Variants in RPS6KC1 observed in about 807,000 individuals in gnomAD.
RPS6KC1 encodes the protein ribosomal protein S6 kinase C1.
A neutral mutation model predicts 103.8 loss-of-function variants in RPS6KC1; 54 were observed. That is an observed-to-expected ratio of 0.52 (90% CI 0.42 to 0.65). RPS6KC1 has a LOEUF of 0.65. RPS6KC1 is among the 30% of genes least tolerant of loss of function. The pLI is 0.00. For missense variants in RPS6KC1, 1,151 were observed against 1,253.8 expected, an observed-to-expected ratio of 0.92 and a Z score of 1.24; for synonymous variants, 439 against 438.7, an observed-to-expected ratio of 1.00 and a Z score of -0.01.
At chr1:213,849,779 G>T in the RPS6KC1 span, among the ~76,000 whole-genome samples, 1 of 151,868 alleles carries the variant, frequency 6.6e-6, no homozygotes, top group Non-Finnish European at 1.5e-5. Flanking sequence ...GTTTTTTGAG[G>T]TCTCTCAGTA....
the RPS6KC1 span, among the ~76,000 whole-genome samples, chr1:213,494,770 T>A: frequency 6.6e-6 from 1 of 151,954 alleles, no homozygotes; most frequent in Non-Finnish European, 1.5e-5. Context: ...AAATATGTGA[T>A]AAAATTTTTT....
chr1:213,288,832 A>G, the RPS6KC1 span, among the ~76,000 whole-genome samples: 1 of 152,164 alleles, frequency 6.6e-6, no homozygotes, highest in African/African-American at 2.4e-5. Context: ...TATTTAGAGA[A>G]ACAACAGAAA....
At position 213,116,303 on chromosome 1, in the gene RPS6KC1, T is replaced by C. The variant is rs1378021429; in HGVS notation, c.379-1014T>C. 3.8e-3 allele frequency among the ~76,000 whole-genome samples: 569 copies of C among 149,176 alleles called. 3 individuals are homozygous for C. Among genetic ancestry groups the C allele is most frequent in the African/African-American group, 0.013 (529 of 40,438 alleles). On this transcript the variant is annotated intron_variant, in intron 4 of 14. Transcript: ENST00000366960. Reference sequence around the variant, plus strand: ...TGTTGAATTGATCCCTTTACCATTATGTAATGGCCTTCTTTGTCTCTTTTG... The same window carrying C: ...TGTTGAATTGATCCCTTTACCATTACGTAATGGCCTTCTTTGTCTCTTTTG...
chr1:213,134,143 CAACTT>C (rs1204707163), intron 6 of RPS6KC1, among the ~76,000 whole-genome samples: 1 of 151,996 alleles, frequency 6.6e-6, no homozygotes, highest in Non-Finnish European at 1.5e-5. Context: ...ATGTTTCTGT[CAACTT>C]AATAGCATGC....
the RPS6KC1 span, among the ~76,000 whole-genome samples, chr1:213,335,825 A>G: frequency 6.6e-5 from 10 of 152,362 alleles, no homozygotes; most frequent in African/African-American, 2.4e-4. Context: ...CTTCTCAAGA[A>G]TATTGCATTC....
intron 8 of RPS6KC1, among the ~76,000 whole-genome samples, chr1:213,190,532 C>T (rs2092709536): frequency 6.6e-6 from 1 of 152,002 alleles, no homozygotes; most frequent in African/African-American, 2.4e-5. Context: ...GTTTGAGCTC[C>T]TTATATATTC....
chr1:213,855,108 C>A, the RPS6KC1 span, among the ~76,000 whole-genome samples: 1 of 152,194 alleles, frequency 6.6e-6, no homozygotes, highest in African/African-American at 2.4e-5. Flanking sequence ...CTCCTTATGA[C>A]CTTATTTAAC....
chr1:213,327,093 C>G, the RPS6KC1 span, among the ~76,000 whole-genome samples: 2 of 148,886 alleles, frequency 1.3e-5, no homozygotes, highest in Non-Finnish European at 3.0e-5. Flanking sequence ...TTGAATTAAA[C>G]CCTTGTTGTC....
chr1:213,363,919 GTTTTC>G, the RPS6KC1 span, among the ~76,000 whole-genome samples: 2 of 148,092 alleles, frequency 1.4e-5, no homozygotes, highest in Non-Finnish European at 3.0e-5. Context: ...GTTTCACATT[GTTTTC>G]TTTAGCCACA....
chr1:213,632,862 T>C, the RPS6KC1 span, among the ~76,000 whole-genome samples: 1 of 152,200 alleles, frequency 6.6e-6, no homozygotes, highest in Non-Finnish European at 1.5e-5. Flanking sequence ...AATGACCTGA[T>C]GGAGCTGAAA....
At chr1:213,383,729 C>T in the RPS6KC1 span, among the ~76,000 whole-genome samples, 3 of 151,800 alleles carry the variant, frequency 2.0e-5, no homozygotes, top group Admixed American at 2.0e-4. Context: ...CAGAACACTC[C>T]TCCCCACCCC....
At chr1:213,837,683 G>A in the RPS6KC1 span, among the ~76,000 whole-genome samples, 1,758 of 151,656 alleles carry the variant, frequency 0.012, 34 homozygotes, top group East Asian at 0.086. Flanking sequence ...GTGTGTGTGC[G>A]TGTGTGTGTG....
the RPS6KC1 span, among the ~76,000 whole-genome samples, chr1:213,337,189 C>G: frequency 6.6e-6 from 1 of 152,178 alleles, no homozygotes. Flanking sequence ...TGCCCTCTTC[C>G]CTGCATCCTA....
At chr1:213,148,764 C>T (rs1208676242) in intron 6 of RPS6KC1, among the ~76,000 whole-genome samples, 2 of 151,962 alleles carry the variant, frequency 1.3e-5, no homozygotes, top group African/African-American at 4.8e-5. Context: ...TCATTTCTTC[C>T]TTAAATTTTT....
At chr1:213,443,019 G>T in the RPS6KC1 span, among the ~76,000 whole-genome samples, 1 of 151,852 alleles carries the variant, frequency 6.6e-6, no homozygotes, top group Non-Finnish European at 1.5e-5. Flanking sequence ...CCTCCTGGTA[G>T]CTGACACTAT....
chr1:213,190,132 T>C (rs1031113955), intron 8 of RPS6KC1, among the ~76,000 whole-genome samples: 4 of 152,224 alleles, frequency 2.6e-5, no homozygotes, highest in Non-Finnish European at 5.9e-5. Context: ...CAAGTATTTC[T>C]TTGATTTATT....
At chr1:213,515,918 TG>T in the RPS6KC1 span, among the ~76,000 whole-genome samples, 1 of 150,922 alleles carries the variant, frequency 6.6e-6, no homozygotes, top group African/African-American at 2.4e-5. Flanking sequence ...AGCAGTGGTT[TG>T]TAGTTCTCCT....
chr1:213,400,461 G>C, the RPS6KC1 span, among the ~76,000 whole-genome samples: 2 of 152,036 alleles, frequency 1.3e-5, no homozygotes, highest in Non-Finnish European at 2.9e-5. Context: ...TACAATTTTT[G>C]GTCTGGAAGA....
the RPS6KC1 span, among the ~76,000 whole-genome samples, chr1:213,433,685 C>T: frequency 1.7e-3 from 263 of 152,250 alleles, no homozygotes; most frequent in African/African-American, 6.1e-3. Flanking sequence ...GTGTATAGTG[C>T]CATCTCATTG....
Sources: allele counts gnomAD v4.1 joint callset (sites outside exome capture counted in the v4.1 genomes callset), GRCh38; gene constraint gnomAD v4.1.1; transcripts MANE v1.5; gene names NCBI Gene and HGNC (gene_info 2026-07-23, HGNC 2026-07-21).